The following ADSS1 variants were observed in gnomAD, a reference collection of about 807,000 sequenced individuals.
The protein encoded by ADSS1 is adenylosuccinate synthase 1, also known as adenylosuccinate synthetase isozyme 1.
Under a neutral mutation model 59.1 loss-of-function variants are expected in ADSS1, and 57 were observed. The ratio of observed to expected loss-of-function variants is 0.97; its 90% confidence interval spans 0.78 to 1.20. The LOEUF is 1.20. ADSS1 is among the 50% of genes most tolerant of loss of function. The pLI is 0.00. For missense variants in ADSS1, 603 were observed against 610.3 expected, an observed-to-expected ratio of 0.99 and a Z score of 0.13; for synonymous variants, 247 against 249.4, an observed-to-expected ratio of 0.99 and a Z score of 0.09.
At chr14:104,739,450 A>G (rs1018959748) in intron 4 of ADSS1, 72 bp downstream of exon 4, 18 of 1,482,958 alleles carry the variant, frequency 1.2e-5, no homozygotes, top group Middle Eastern at 1.7e-4. Flanking sequence ...CTGCTCCTAC[A>G]TGGCCACCGA....
intron 5 of ADSS1, 22 bp downstream of exon 5, chr14:104,739,838 C>G (rs751871726): frequency 1.2e-6 from 2 of 1,613,208 alleles, no homozygotes; most frequent in Non-Finnish European, 1.7e-6. Context: ...GGGACACTCT[C>G]ACCCTCGGGG....
chr14:104,725,161 CCCCAGGG>C (rs1890683539), intron 1 of ADSS1, among the ~76,000 whole-genome samples: 1 of 152,180 alleles, frequency 6.6e-6, no homozygotes, highest in African/African-American at 2.4e-5. Flanking sequence ...CTGCTTTGTC[CCCCAGGG>C]CCCAGGGCTG....
Position 104,747,233 on chromosome 14 carries a change from C to A in ADSS1, c.*230C>A. 9.5e-6 allele frequency: 4 copies of A among 422,732 alleles called. No homozygotes were observed. The highest frequency in any genetic ancestry group is 1.7e-5 in the Non-Finnish European group (4 of 235,574). The allele number at this position is 422,732 out of a possible 1,614,324, so 26.2% of individuals were successfully genotyped here. On this transcript the variant is annotated 3_prime_UTR_variant, in exon 13 of 13. Coordinates refer to ENST00000330877, the MANE Select transcript of ADSS1 (RefSeq NM_152328.5). ...CAAAATGAGCCAAAGTGCTCAGAGA[C>A]CTTCTATGACACATTAGTGTCACAT...
intron 2 of ADSS1, chr14:104,737,481 G>C (rs1267184858): frequency 6.6e-6 from 1 of 152,104 alleles, no homozygotes; most frequent in Non-Finnish European, 1.5e-5. Context: ...TTCTCCTTTT[G>C]TTTACTGATG....
At position 104,747,245 on chromosome 14, in the gene ADSS1, C is replaced by T. The variant is rs1891599328; in HGVS notation, c.*242C>T. The T allele has an allele frequency of 2.6e-6, 1 of 389,262 alleles. No individual in the cohort carries two copies. Among genetic ancestry groups the T allele is most frequent in the Non-Finnish European group, 4.6e-6 (1 of 215,614 alleles). The allele number at this position is 389,262 out of a possible 1,614,324, so 24.1% of individuals were successfully genotyped here. ...AAGTGCTCAGAGACCTTCTATGACACATTAGTGTCACATGGTTGCGTGTCC... is the reference window on the plus strand; with the variant it reads ...AAGTGCTCAGAGACCTTCTATGACATATTAGTGTCACATGGTTGCGTGTCC... On this transcript the variant is annotated 3_prime_UTR_variant, in exon 13 of 13. Transcript: ENST00000330877.
At chr14:104,745,173 C>T (rs1368111718) in intron 11 of ADSS1, 3 of 406,272 alleles carry the variant, frequency 7.4e-6, no homozygotes, top group Non-Finnish European at 9.0e-6. Context: ...ACAGACTACT[C>T]GCCTGGGACC....
chr14:104,735,700 G>A (rs1005180606), intron 2 of ADSS1, among the ~76,000 whole-genome samples: 46 of 152,248 alleles, frequency 3.0e-4, no homozygotes, highest in Admixed American at 1.2e-3. Flanking sequence ...CCTGGGTCCG[G>A]ACACAGCTCC....
At position 104,741,856 on chromosome 14, in the gene ADSS1, C is replaced by T. The variant is rs761679828; in HGVS notation, c.802C>T (p.Pro268Ser). Residue 268 changes from proline (P) to serine (S), a missense_variant, in exon 9 of 13, where the codon CCC becomes TCC. By Grantham distance (74) the Pro-to-Ser change is moderately conservative. Coordinates refer to ENST00000330877, the MANE Select transcript of ADSS1 (RefSeq NM_152328.5). The stretch of plus-strand genomic sequence containing the variant: ...CCTGCTCTGTCTTGCAGGGACCTAC[C>T]CCTTTGTGACTTCATCCAACTGCAC... ...ALLDIDFGTY[P>S]FVTSSNCTVG... The T allele has an allele frequency of 6.2e-7, 1 of 1,613,168 alleles. No individual in the cohort carries two copies. Among genetic ancestry groups the T allele is most frequent in the African/African-American group, 1.3e-5 (1 of 74,934 alleles).
chr14:104,743,751 G>A (rs79842364), intron 10 of ADSS1, among the ~76,000 whole-genome samples: 1,771 of 152,358 alleles, frequency 0.012, 20 homozygotes, highest in Non-Finnish European at 0.015. Context: ...AAAATTCCTG[G>A]AGAATTAACC....
At chr14:104,746,471 TAAG>T in intron 12 of ADSS1, 86 bp downstream of exon 12, 1 of 1,485,382 alleles carries the variant, frequency 6.7e-7, no homozygotes, top group South Asian at 1.3e-5. Flanking sequence ...TGGTGAGCAA[TAAG>T]AAAACCAAGT....
chr14:104,735,145 T>TGTGTGAGCAGGAAAGGGG, intron 2 of ADSS1, 23 bp downstream of exon 2: 1 of 1,576,786 alleles, frequency 6.3e-7, no homozygotes, highest in South Asian at 1.1e-5. Context: ...CCCCGACCTG[T>TGTGTGAGCAGGAAAGGGG]GTGTGAGCAG....
intron 8 of ADSS1, 112 bp from the exon 9 acceptor site, chr14:104,741,736 G>C (rs1051111708): frequency 6.0e-5 from 86 of 1,424,182 alleles, no homozygotes; most frequent in Non-Finnish European, 7.2e-5. Context: ...CACGGAGGGG[G>C]CCCCCCACGG....
chr14:104,733,798 G>A (rs1891017125), intron 1 of ADSS1, among the ~76,000 whole-genome samples: 1 of 152,198 alleles, frequency 6.6e-6, no homozygotes, highest in Non-Finnish European at 1.5e-5. Context: ...ACCAGTCTGT[G>A]GGGCAGGGTA....
rs535194461 is a variant in ADSS1 at position 104,746,521 on chromosome 14, G to A, written c.1321+136G>A. The A allele has an allele frequency of 3.1e-6, 4 of 1,288,024 alleles. No homozygotes were observed. The African/African-American group carries it at 5.9e-5, about 19-fold the overall frequency. 79.8% of individuals were successfully genotyped at this position (1,288,024 alleles called of 1,614,324 possible). A position where few individuals can be genotyped will look rare whatever the true frequency, so the allele number is the denominator to read the frequency against. On this transcript the variant is annotated intron_variant, in intron 12 of 12. Transcript: ENST00000330877. ...GCGAATATATTGCATGGCAGGAGGG[G>A]AGGACGACTCGGAGCTGGGGCAGTG... is the stretch of plus-strand genomic sequence containing the variant.
At chr14:104,739,919 C>T in intron 5 of ADSS1, 103 bp downstream of exon 5, 1 of 1,246,118 alleles carries the variant, frequency 8.0e-7, no homozygotes, top group Non-Finnish European at 1.1e-6. Flanking sequence ...GAGGGTACCT[C>T]AACCCACTCA....
intron 1 of ADSS1, chr14:104,730,035 G>C: frequency 1.3e-6 from 2 of 1,583,568 alleles, no homozygotes; most frequent in Non-Finnish European, 1.7e-6. Context: ...CAGTTACTGA[G>C]TGGCCACTCC....
In ADSS1 at chr14:104,747,087, A is replaced by G. The variant is rs1891594483; in HGVS notation, c.*84A>G. On this transcript the variant is annotated 3_prime_UTR_variant, in exon 13 of 13. Coordinates refer to ENST00000330877, the MANE Select transcript of ADSS1 (RefSeq NM_152328.5). ...GCAGTCACGTTCCTCGGCCGCCACA[A>G]CCAACACCAAAGCAGGAAAACCATT... 9 of 1,254,188 alleles carry G rather than the reference A, an allele frequency of 7.2e-6. No individual in the cohort carries two copies. The highest frequency in any genetic ancestry group is 1.0e-5 in the Non-Finnish European group (9 of 896,288). 77.7% of individuals were successfully genotyped at this position (1,254,188 alleles called of 1,614,324 possible). A position where few individuals can be genotyped will look rare whatever the true frequency, so the allele number is the denominator to read the frequency against.
At position 104,725,775 on chromosome 14, in the gene ADSS1, G is replaced by A. The variant is rs141863905; in HGVS notation, c.192+1313G>A. On this transcript the variant is annotated intron_variant, in intron 1 of 12. Transcript: ENST00000330877. The stretch of plus-strand genomic sequence containing the variant: ...CTTCACCCTCCAGGGCGCCCTCAGC[G>A]TGGGGCAGCCCCGGCCCCTGACCCT... Among the ~76,000 whole-genome samples the A allele has an allele frequency of 4.2e-3, 646 of 152,278 alleles. 8 individuals are homozygous for A. Among genetic ancestry groups the A allele is most frequent in the African/African-American group, 0.014 (590 of 41,558 alleles).
intron 2 of ADSS1, among the ~76,000 whole-genome samples, chr14:104,735,651 G>C (rs1043452077): frequency 3.3e-5 from 5 of 152,262 alleles, no homozygotes; most frequent in African/African-American, 4.8e-5. Context: ...TTCCCAGTCC[G>C]TGCTGCAGAG....
Sources: allele counts gnomAD v4.1 joint callset (sites outside exome capture counted in the v4.1 genomes callset), GRCh38; gene constraint gnomAD v4.1.1; transcripts MANE v1.5; gene names NCBI Gene and HGNC (gene_info 2026-07-23, HGNC 2026-07-21).